The following RAPGEF6 variants were observed in gnomAD, a reference collection of about 807,000 sequenced individuals.
The protein encoded by RAPGEF6 is PDZ domain containing guanine nucleotide exchange factor (GEF) 2.
In RAPGEF6, 56 loss-of-function variants were observed where a neutral mutation model predicts 171.4. The observed-to-expected ratio is 0.33, with a 90% confidence interval of 0.26 to 0.41. The LOEUF is 0.41. Ranked by LOEUF, RAPGEF6 falls within the 10% of genes least tolerant of loss-of-function variation. RAPGEF6 has a pLI of 1.00. For missense variants in RAPGEF6, 1,674 were observed against 1,921.4 expected, an observed-to-expected ratio of 0.87 and a Z score of 2.41; for synonymous variants, 692 against 650.1, an observed-to-expected ratio of 1.06 and a Z score of -0.98.
chr5:131,451,468 A>G (rs564832151), intron 21 of RAPGEF6, among the ~76,000 whole-genome samples: 2 of 151,788 alleles, frequency 1.3e-5, no homozygotes, highest in Non-Finnish European at 2.9e-5. Flanking sequence ...ATGCACCTGT[A>G]GCCCCAGTTA....
intron 4 of RAPGEF6, among the ~76,000 whole-genome samples, chr5:131,577,485 C>T (rs1334920816): frequency 6.6e-6 from 1 of 152,156 alleles, no homozygotes; most frequent in Admixed American, 6.5e-5. Flanking sequence ...AGACACCAGC[C>T]CTCTAGGCGA....
intron 15 of RAPGEF6, 149 bp downstream of exon 15, chr5:131,489,397 T>C: frequency 1.7e-6 from 1 of 602,832 alleles, no homozygotes; most frequent in Non-Finnish European, 2.9e-6. Context: ...CTAGAATACA[T>C]AATAGTTCAA....
At chr5:131,481,590 G>A (rs559966636) in intron 15 of RAPGEF6, among the ~76,000 whole-genome samples, 4 of 152,284 alleles carry the variant, frequency 2.6e-5, no homozygotes, top group Non-Finnish European at 4.4e-5. Flanking sequence ...CTTAATGAGG[G>A]TGCAGGTACA....
At chr5:131,511,850 A>T (rs1412573579) in intron 7 of RAPGEF6, among the ~76,000 whole-genome samples, 3 of 152,078 alleles carry the variant, frequency 2.0e-5, no homozygotes, top group Non-Finnish European at 4.4e-5. Flanking sequence ...AAACCCAGAG[A>T]TTACAGTGGG....
intron 2 of RAPGEF6, among the ~76,000 whole-genome samples, chr5:131,604,329 C>A (rs2150016078): frequency 6.6e-6 from 1 of 152,216 alleles, no homozygotes; most frequent in South Asian, 2.1e-4. Flanking sequence ...ACTATCATTA[C>A]CCCTATTTTA....
chr5:131,464,418 C>T, intron 17 of RAPGEF6, 137 bp from the exon 18 acceptor site: 1 of 672,274 alleles, frequency 1.5e-6, no homozygotes, highest in Admixed American at 3.0e-5. Context: ...ACAGAAGTCA[C>T]TGTTGCATTT....
intron 9 of RAPGEF6, 126 bp from the exon 10 acceptor site, chr5:131,505,648 C>T: frequency 1.2e-6 from 1 of 805,096 alleles, no homozygotes; most frequent in South Asian, 1.9e-5. Flanking sequence ...GGTTATATTA[C>T]CAAACACTCT....
chr5:131,584,364 C>T (rs555255704), intron 4 of RAPGEF6, among the ~76,000 whole-genome samples: 1 of 152,330 alleles, frequency 6.6e-6, no homozygotes, highest in East Asian at 1.9e-4. Context: ...TGAAAGAGAT[C>T]TGATCTAACC....
chr5:131,633,732 TA>T (rs1766459073), intron 1 of RAPGEF6, among the ~76,000 whole-genome samples: 1 of 152,004 alleles, frequency 6.6e-6, no homozygotes, highest in African/African-American at 2.4e-5. Context: ...CTGTTTCAAA[TA>T]AAAAATAAAA....
Position 131,453,102 on chromosome 5 carries a change from A to T in RAPGEF6, c.3152T>A (p.Val1051Asp). ...RMISKEIRQV[V>D]RMTSANMDPA... Reference sequence around the variant, plus strand: ...GTCCATGTTAGCAGAAGTCATTCGAACAACTTGGCGGATTTCCTTGGAAAT... The same window carrying T: ...GTCCATGTTAGCAGAAGTCATTCGATCAACTTGGCGGATTTCCTTGGAAAT... The change falls in exon 21 of 28, where the codon GTT becomes GAT. Residue 1051 changes from valine to aspartate, a missense_variant. Around this residue, in one of 3 missense-constraint regions of RAPGEF6, gnomAD observed 1,116 missense variants for 1,321.5 expected, o/e 0.84. Coordinates refer to ENST00000509018, the MANE Select transcript of RAPGEF6 (RefSeq NM_016340.6). 1 of 1,614,054 alleles carries T rather than the reference A, an allele frequency of 6.2e-7. No homozygotes were observed. Among genetic ancestry groups the T allele is most frequent in the East Asian group, 2.2e-5 (1 of 44,868 alleles).
At chr5:131,527,722 G>C (rs1211949894) in intron 6 of RAPGEF6, among the ~76,000 whole-genome samples, 1 of 152,078 alleles carries the variant, frequency 6.6e-6, no homozygotes, top group South Asian at 2.1e-4. Flanking sequence ...AGAATTATAA[G>C]ATGCTTCTAG....
intron 18 of RAPGEF6, 151 bp from the exon 19 acceptor site, chr5:131,462,239 TAA>T: frequency 1.3e-6 from 1 of 766,316 alleles, no homozygotes; most frequent in Non-Finnish European, 1.9e-6. Context: ...GTTAACATTT[TAA>T]ATGAAAAGAT....
At position 131,548,028 on chromosome 5, in the gene RAPGEF6, T is replaced by C; in HGVS notation, c.495+19A>G. 1 of 1,607,658 alleles carries C rather than the reference T, an allele frequency of 6.2e-7. No homozygotes were observed. Among genetic ancestry groups the C allele is most frequent in the South Asian group, 1.1e-5 (1 of 90,118 alleles). ...TGAAAATTAAGGAAGATTCATGAAG[T>C]GTTCCTAAATATACTCACAGAAAGA... is the stretch of plus-strand genomic sequence containing the variant. On this transcript the variant is annotated intron_variant, in intron 6 of 27. Coordinates refer to ENST00000509018, the MANE Select transcript of RAPGEF6 (RefSeq NM_016340.6).
At position 131,612,827 on chromosome 5, in the gene RAPGEF6, G is replaced by A. The variant is rs187488149; in HGVS notation, c.70-8134C>T. Reference sequence around the variant, plus strand: ...CTTTCTCAAGTTACAGGACATCTTCGGCACATCATTAACAATGCCATGAAT... The same window carrying A: ...CTTTCTCAAGTTACAGGACATCTTCAGCACATCATTAACAATGCCATGAAT... On this transcript the variant is annotated intron_variant, in intron 1 of 27. Coordinates refer to ENST00000509018, the MANE Select transcript of RAPGEF6 (RefSeq NM_016340.6). 6.2e-4 allele frequency among the ~76,000 whole-genome samples: 94 copies of A among 152,056 alleles called. 1 individual carries two copies. Among genetic ancestry groups the A allele is most frequent in the African/African-American group, 2.2e-3 (92 of 41,456 alleles).
intron 1 of RAPGEF6, among the ~76,000 whole-genome samples, chr5:131,634,679 T>C (rs1332025479): frequency 2.0e-5 from 3 of 152,360 alleles, no homozygotes; most frequent in East Asian, 3.9e-4. Context: ...GAAACTCATA[T>C]TACCCAACTC....
intron 1 of RAPGEF6, among the ~76,000 whole-genome samples, chr5:131,610,055 A>G (rs1764848814): frequency 6.6e-6 from 1 of 152,252 alleles, no homozygotes; most frequent in African/African-American, 2.4e-5. Flanking sequence ...TTTCAGCTTA[A>G]AGGCAATAAT....
intron 6 of RAPGEF6, among the ~76,000 whole-genome samples, chr5:131,539,395 A>G (rs1759986087): frequency 6.6e-6 from 1 of 152,238 alleles, no homozygotes; most frequent in Non-Finnish European, 1.5e-5. Context: ...GATTGATCCA[A>G]CAATAGTGCT....
rs200207864 is a variant in RAPGEF6, at chr5:131,464,032, C to T, written c.2480+9G>A. On this transcript the variant is annotated intron_variant, in intron 18 of 27. Coordinates refer to ENST00000509018, the MANE Select transcript of RAPGEF6 (RefSeq NM_016340.6). ...ACAAATAAGCACATCCACTAATAAG[C>T]TTATTCACCTTCCATTGAGTTGAAT... The T allele has an allele frequency of 2.8e-4, 439 of 1,577,694 alleles. No individual in the cohort carries two copies. Among genetic ancestry groups the T allele is most frequent in the Non-Finnish European group, 1.9e-4 (223 of 1,161,604 alleles).
At position 131,446,546 on chromosome 5, in the gene RAPGEF6, C is replaced by T. The variant is rs780359039; in HGVS notation, c.3358G>A (p.Val1120Ile). The T allele has an allele frequency of 1.9e-6, 3 of 1,614,248 alleles. No homozygotes were observed. In the East Asian group the frequency reaches 6.7e-5, roughly 36 times the overall value. Residue 1120 changes from valine (V) to isoleucine (I), a missense_variant, in exon 22 of 28, where the codon GTA becomes ATA. Val to Ile is a conservative substitution (Grantham distance 29, BLOSUM62 3). Coordinates refer to ENST00000509018, the MANE Select transcript of RAPGEF6 (RefSeq NM_016340.6). Reference protein sequence around the residue: ...KVKQYLSSLDVETDEEKFQMM... With the variant: ...KVKQYLSSLDIETDEEKFQMM... Reference sequence around the variant, plus strand: ...TGGAACTTCTCCTCATCTGTCTCTACATCGAGACTGGAAAGATACTGCTTC... The same window carrying T: ...TGGAACTTCTCCTCATCTGTCTCTATATCGAGACTGGAAAGATACTGCTTC...
Sources: gnomAD v4.1 joint callset for allele counts (sites outside exome capture counted in the v4.1 genomes callset) on GRCh38, gnomAD v4.1.1 for gene constraint, gnomAD v4.1.1 regional missense constraint, MANE v1.5 for transcripts, NCBI Gene and HGNC (gene_info 2026-07-23, HGNC 2026-07-21) for gene names.